Variants in MAGI1 observed in about 807,000 individuals in gnomAD.
The protein encoded by MAGI1 is membrane associated guanylate kinase, WW and PDZ domain containing 1, also known as membrane-associated guanylate kinase, WW and PDZ domain-containing protein 1.
MAGI1 carries 58 observed loss-of-function variants against 139.9 expected under a neutral mutation model. That is an observed-to-expected ratio of 0.41 (90% CI 0.34 to 0.52). The LOEUF (loss-of-function observed/expected upper bound fraction) is 0.52. Ranked by LOEUF, MAGI1 falls within the 20% of genes least tolerant of loss-of-function variation. The probability of loss-of-function intolerance (pLI) is 0.12; values close to 1 mark genes in which losing one functional copy is unlikely to be tolerated. For synonymous variants in MAGI1, 812 were observed against 737.9 expected (o/e 1.10, Z -1.63); for missense variants, 1,874 against 1,901.6 (o/e 0.99, Z 0.27).
At chr3:65,927,030 T>C (rs773694421) in intron 1 of MAGI1, among the ~76,000 whole-genome samples, 28 of 152,210 alleles carry the variant, frequency 1.8e-4, no homozygotes, top group Admixed American at 5.9e-4. Flanking sequence ...AAACCCTCAG[T>C]TGCAGGAATT....
chr3:65,851,465 G>A (rs894802420), intron 1 of MAGI1, among the ~76,000 whole-genome samples: 3 of 152,066 alleles, frequency 2.0e-5, no homozygotes, highest in East Asian at 3.9e-4. Context: ...AATCTGTTAG[G>A]TTGCCAGGCG....
intron 1 of MAGI1, among the ~76,000 whole-genome samples, chr3:65,679,548 G>C (rs1365034826): frequency 6.6e-6 from 1 of 151,898 alleles, no homozygotes; most frequent in Non-Finnish European, 1.5e-5. Context: ...AGGTGACAGA[G>C]CAAGACTCTG....
rs766462822 is a variant in MAGI1, at chr3:65,904,660, T to TA, written c.313+133335dup. ...TCTGGCTTTCTCATTCTCCAGGTCTTAGACCACCCTGGCTAAGACAGATCA... is the reference window on the plus strand; with the variant it reads ...TCTGGCTTTCTCATTCTCCAGGTCTTAAGACCACCCTGGCTAAGACAGATCA... On this transcript the variant is annotated intron_variant, in intron 1 of 22. Coordinates refer to ENST00000402939, the MANE Select transcript of MAGI1 (RefSeq NM_001033057.2). Among the ~76,000 whole-genome samples, 398 of 152,324 alleles carry TA rather than the reference T, an allele frequency of 2.6e-3. 3 individuals carry two copies. Among genetic ancestry groups the TA allele is most frequent in the Non-Finnish European group, 4.5e-3 (303 of 68,032 alleles).
intron 1 of MAGI1, among the ~76,000 whole-genome samples, chr3:65,728,029 G>T (rs1304734413): frequency 1.3e-5 from 2 of 152,164 alleles, no homozygotes; most frequent in South Asian, 2.1e-4. Flanking sequence ...GATATAGTCT[G>T]TTTCCTAATA....
chr3:65,471,400 G>C (rs1950553028), intron 4 of MAGI1, among the ~76,000 whole-genome samples: 1 of 152,152 alleles, frequency 6.6e-6, no homozygotes, highest in Non-Finnish European at 1.5e-5. Flanking sequence ...TTCTGATTTA[G>C]CAAAAACAGA....
Position 65,439,832 on chromosome 3 carries a change from C to G in MAGI1, c.1270+47G>C, listed in dbSNP as rs186806770. ...CGAGGGTGTCAGCGCTCAGATTTCACCCCATGCTCCCCTGATCAAGAAAAA... is the reference window on the plus strand; with the variant it reads ...CGAGGGTGTCAGCGCTCAGATTTCAGCCCATGCTCCCCTGATCAAGAAAAA... On this transcript the variant is annotated intron_variant, in intron 9 of 22. Transcript: ENST00000402939. 426 of 1,604,110 alleles carry G rather than the reference C, an allele frequency of 2.7e-4. 2 individuals carry two copies. The Middle Eastern group carries it at 2.8e-3, about 11-fold the overall frequency.
chr3:65,448,050 T>C lies in MAGI1; in HGVS notation c.1050A>G (p.Val350=). The C allele has an allele frequency of 6.2e-7, 1 of 1,614,064 alleles. No homozygotes were observed. The highest frequency in any genetic ancestry group is 8.5e-7 in the Non-Finnish European group (1 of 1,179,976). Residue 350 remains valine (V), a synonymous_variant, in exon 7 of 23, where the codon GTA becomes GTG. Coordinates refer to ENST00000402939, the MANE Select transcript of MAGI1 (RefSeq NM_001033057.2). ...GTTCACTGTCCAGCTCCTCGGTGTGTACCCCTTCTTCTCCAAAGGAATAGC... is the reference window on the plus strand; with the variant it reads ...GTTCACTGTCCAGCTCCTCGGTGTGCACCCCTTCTTCTCCAAAGGAATAGC... ...PLEECEDDEG[V]HTEELDSELE...
intron 1 of MAGI1, among the ~76,000 whole-genome samples, chr3:65,840,864 TATTA>T (rs2058779867): frequency 6.6e-6 from 1 of 152,358 alleles, no homozygotes; most frequent in East Asian, 1.9e-4. Context: ...ATACAGTTGC[TATTA>T]ATTCTTTTTT....
chr3:65,930,158 T>C (rs1421368594), intron 1 of MAGI1, among the ~76,000 whole-genome samples: 1 of 150,644 alleles, frequency 6.6e-6, no homozygotes, highest in Non-Finnish European at 1.5e-5. Context: ...CTACTGAAAA[T>C]ACAAAAAATT....
chr3:66,027,858 C>T (rs1322893406), intron 1 of MAGI1, among the ~76,000 whole-genome samples: 1 of 152,154 alleles, frequency 6.6e-6, no homozygotes, highest in African/African-American at 2.4e-5. Context: ...CGGGCCTCTA[C>T]TCTCTAGATG....
chr3:65,742,147 A>C (rs2035327963), intron 1 of MAGI1, among the ~76,000 whole-genome samples: 1 of 152,214 alleles, frequency 6.6e-6, no homozygotes, highest in Admixed American at 6.5e-5. Context: ...GTCCAAGAAG[A>C]ACAAAGGCTG....
At chr3:65,500,778 T>C (rs2077050694) in intron 2 of MAGI1, among the ~76,000 whole-genome samples, 2 of 152,222 alleles carry the variant, frequency 1.3e-5, no homozygotes, top group Non-Finnish European at 2.9e-5. Flanking sequence ...AAAGATTACA[T>C]TGTCAATATT....
chr3:65,557,487 C>T lies in MAGI1; in HGVS notation c.431-63856G>A, dbSNP rs143523732. 5.2e-3 allele frequency among the ~76,000 whole-genome samples: 788 copies of T among 152,234 alleles called. 4 individuals are homozygous for T. Among genetic ancestry groups the T allele is most frequent in the African/African-American group, 0.018 (731 of 41,550 alleles). ...GCCAAGACCACCCAGCTATACCACC[C>T]CTGGATTCCTGACCCTCAGAAACTG... On this transcript the variant is annotated intron_variant, in intron 2 of 22. Transcript: ENST00000402939.
chr3:65,451,694 GA>G (rs1949041147), intron 6 of MAGI1, among the ~76,000 whole-genome samples: 1 of 152,128 alleles, frequency 6.6e-6, no homozygotes, highest in Admixed American at 6.6e-5. Flanking sequence ...ACCAAGGCTG[GA>G]ATGTAGTGGC....
intron 1 of MAGI1, among the ~76,000 whole-genome samples, chr3:65,634,742 C>G (rs1490256910): frequency 6.6e-6 from 1 of 152,156 alleles, no homozygotes; most frequent in African/African-American, 2.4e-5. Context: ...AAAATAAGAA[C>G]AACAGAGACG....
At chr3:65,586,125 G>A (rs929796968) in intron 2 of MAGI1, among the ~76,000 whole-genome samples, 19 of 151,928 alleles carry the variant, frequency 1.3e-4, no homozygotes, top group African/African-American at 4.4e-4. Context: ...TGAGGGTATC[G>A]CTTGAGCCCA....
intron 2 of MAGI1, among the ~76,000 whole-genome samples, chr3:65,578,865 A>G (rs28464780): frequency 0.5 from 75,832 of 151,496 alleles, 19,620 homozygotes; most frequent in East Asian, 0.8. Flanking sequence ...AGATTGCCAC[A>G]AGGTGAGATC....
intron 13 of MAGI1, among the ~76,000 whole-genome samples, chr3:65,393,497 G>A (rs1944105158): frequency 6.6e-6 from 1 of 152,044 alleles, no homozygotes; most frequent in Non-Finnish European, 1.5e-5. Flanking sequence ...ATTTCAAAAT[G>A]AACCTTGGTA....
intron 1 of MAGI1, among the ~76,000 whole-genome samples, chr3:65,731,010 A>C (rs2034132957): frequency 6.6e-6 from 1 of 151,998 alleles, no homozygotes; most frequent in Admixed American, 6.6e-5. Flanking sequence ...CTCTAGAGGC[A>C]TCTTCTAGCC....
Sources: allele counts gnomAD v4.1 joint callset (sites outside exome capture counted in the v4.1 genomes callset), GRCh38; gene constraint gnomAD v4.1.1; transcripts MANE v1.5; gene names NCBI Gene and HGNC (gene_info 2026-07-23, HGNC 2026-07-21).